The following KIAA1328 variants were observed in gnomAD, a reference collection of about 807,000 sequenced individuals.
KIAA1328 encodes the protein protein hinderin.
Under a neutral mutation model 68.1 loss-of-function variants are expected in KIAA1328, and 52 were observed. That is an observed-to-expected ratio of 0.76 (90% confidence interval 0.61 to 0.96). The LOEUF is 0.96. KIAA1328 is among the 40% of genes least tolerant of loss of function. The pLI, the probability that KIAA1328 is intolerant of heterozygous loss-of-function variation, is 0.00. For synonymous variants in KIAA1328, 232 were observed against 239.4 expected (o/e 0.97, Z 0.28); for missense variants, 641 against 677.6 (o/e 0.95, Z 0.60).
Position 37,187,180 on chromosome 18 carries a change from T to C in KIAA1328, c.1523+14099T>C, listed in dbSNP as rs564202515. ...CTCCATCTCAAAAAAAAAAAAAGTT[T>C]ATTATCGTGTTGCTTGGAACCCACC... is the stretch of plus-strand genomic sequence containing the variant. On this transcript the variant is annotated intron_variant, in intron 9 of 9. Transcript: ENST00000280020. 3.3e-5 allele frequency among the ~76,000 whole-genome samples: 5 copies of C among 152,110 alleles called. No homozygotes were observed. The South Asian group carries it at 1.0e-3, about 32-fold the overall frequency.
intron 7 of KIAA1328, among the ~76,000 whole-genome samples, chr18:37,153,873 A>G (rs986600066): frequency 6.6e-6 from 1 of 151,366 alleles, no homozygotes; most frequent in Admixed American, 6.6e-5. Context: ...AAAAAAAAAA[A>G]AAAGACTCAT....
In KIAA1328 at chr18:37,200,668, G is replaced by A. The variant is rs1012125958; in HGVS notation, c.1524-21349G>A. Among the ~76,000 whole-genome samples the A allele has an allele frequency of 1.1e-4, 16 of 151,762 alleles. 1 individual carries two copies. The highest frequency in any genetic ancestry group is 8.5e-4 in the Admixed American group (13 of 15,244). ...CTACTAAAAATACAAAAAATTAGCCGGGCGCGGTGGCGGGCGCCTGTAGTC... is the reference window on the plus strand; with the variant it reads ...CTACTAAAAATACAAAAAATTAGCCAGGCGCGGTGGCGGGCGCCTGTAGTC... On this transcript the variant is annotated intron_variant, in intron 9 of 9. Coordinates refer to ENST00000280020, the MANE Select transcript of KIAA1328 (RefSeq NM_020776.3).
intron 4 of KIAA1328, among the ~76,000 whole-genome samples, chr18:36,861,203 G>C (rs2047554445): frequency 1.3e-5 from 2 of 152,018 alleles, no homozygotes; most frequent in Non-Finnish European, 2.9e-5. Context: ...AAGAGTACTA[G>C]TCAGATATTT....
chr18:36,977,509 G>T (rs915015089), intron 6 of KIAA1328, among the ~76,000 whole-genome samples: 1 of 152,096 alleles, frequency 6.6e-6, no homozygotes, highest in African/African-American at 2.4e-5. Context: ...GCTGTTTCCC[G>T]ATACTCTTAC....
At chr18:37,138,845 A>G (rs2058701582) in intron 7 of KIAA1328, among the ~76,000 whole-genome samples, 1 of 152,016 alleles carries the variant, frequency 6.6e-6, no homozygotes, top group Non-Finnish European at 1.5e-5. Flanking sequence ...CTGTCAGATA[A>G]TATTATTGGA....
intron 8 of KIAA1328, among the ~76,000 whole-genome samples, chr18:37,161,155 C>T (rs1194719779): frequency 6.6e-6 from 1 of 152,138 alleles, no homozygotes; most frequent in East Asian, 1.9e-4. Context: ...AACCATTAAC[C>T]CAGATTTCCT....
rs981059081 is a variant in KIAA1328, at chr18:37,168,304, A to T, written c.1415-4669A>T. On this transcript the variant is annotated intron_variant, in intron 8 of 9. Transcript: ENST00000280020. ...AACAGAAGTGGCACATATAATGTCCACTGGCTTTCCACCTTACCACACGTA... is the reference window on the plus strand; with the variant it reads ...AACAGAAGTGGCACATATAATGTCCTCTGGCTTTCCACCTTACCACACGTA... 3.3e-5 allele frequency among the ~76,000 whole-genome samples: 5 copies of T among 152,256 alleles called. No individual in the cohort carries two copies. In the East Asian group the frequency reaches 7.7e-4, roughly 23 times the overall value.
At chr18:37,080,297 C>G (rs1329461847) in intron 7 of KIAA1328, among the ~76,000 whole-genome samples, 3 of 152,144 alleles carry the variant, frequency 2.0e-5, no homozygotes. Flanking sequence ...CATTTGACTA[C>G]AATGCAACCT....
At chr18:37,013,835 A>T (rs1399128896) in intron 6 of KIAA1328, among the ~76,000 whole-genome samples, 1 of 152,140 alleles carries the variant, frequency 6.6e-6, no homozygotes, top group Non-Finnish European at 1.5e-5. Context: ...TGGTAGAATG[A>T]TTTATTTTCT....
rs141731197 is a variant in KIAA1328, at chr18:37,111,883, C to A, written c.1232+44338C>A. ...CACACCAGGAGATTATATCCCGTGC[C>A]TGGCTCAGAGGGTCCCATGCCCACA... On this transcript the variant is annotated intron_variant, in intron 7 of 9. Coordinates refer to ENST00000280020, the MANE Select transcript of KIAA1328 (RefSeq NM_020776.3). Among the ~76,000 whole-genome samples the A allele has an allele frequency of 9.2e-3, 1,396 of 152,336 alleles. 14 individuals carry two copies. Among genetic ancestry groups the A allele is most frequent in the South Asian group, 0.021 (103 of 4,832 alleles).
intron 9 of KIAA1328, among the ~76,000 whole-genome samples, chr18:37,188,858 T>C (rs911384322): frequency 6.6e-6 from 1 of 152,244 alleles, no homozygotes; most frequent in Non-Finnish European, 1.5e-5. Flanking sequence ...CAGCAGTATC[T>C]TTTGTATCAA....
chr18:36,957,398 CATA>C (rs1184894149), intron 5 of KIAA1328, among the ~76,000 whole-genome samples: 2 of 151,966 alleles, frequency 1.3e-5, no homozygotes, highest in African/African-American at 4.8e-5. Flanking sequence ...AGGAAATTAC[CATA>C]ATGAGAAATA....
Position 37,223,482 on chromosome 18 carries a change from T to C in KIAA1328, c.*1255T>C, listed in dbSNP as rs888155972. The C allele has an allele frequency of 1.2e-4, 119 of 985,254 alleles. No individual in the cohort carries two copies. Among genetic ancestry groups the C allele is most frequent in the Non-Finnish European group, 1.4e-4 (115 of 829,954 alleles). 61.0% of individuals were successfully genotyped at this position (985,254 alleles called of 1,614,324 possible). A position where few individuals can be genotyped will look rare whatever the true frequency, so the allele number is the denominator to read the frequency against. ...TCCTGGTTTAGCCAGAGTTCAAAACTCTCCAGTCATTGAAAGCAAGGGGAG... is the reference window on the plus strand; with the variant it reads ...TCCTGGTTTAGCCAGAGTTCAAAACCCTCCAGTCATTGAAAGCAAGGGGAG... On this transcript the variant is annotated 3_prime_UTR_variant, in exon 10 of 10. Transcript: ENST00000280020.
chr18:36,995,493 G>T (rs1280183607), intron 6 of KIAA1328, among the ~76,000 whole-genome samples: 1 of 152,090 alleles, frequency 6.6e-6, no homozygotes, highest in Non-Finnish European at 1.5e-5. Flanking sequence ...GTCCATCCCT[G>T]CATGTCTGTA....
intron 7 of KIAA1328, among the ~76,000 whole-genome samples, chr18:37,088,247 T>TTGC (rs2057162964): frequency 6.6e-6 from 1 of 152,230 alleles, no homozygotes; most frequent in Non-Finnish European, 1.5e-5. Context: ...TGTCTTCACT[T>TTGC]TGCAGCTTCA....
chr18:37,154,372 G>A (rs900580722), intron 7 of KIAA1328, among the ~76,000 whole-genome samples: 1 of 152,168 alleles, frequency 6.6e-6, no homozygotes, highest in African/African-American at 2.4e-5. Context: ...CATTCTTTCT[G>A]TCACATTTGA....
chr18:36,969,703 G>GCCAAATTCTTC (rs2052096895), intron 6 of KIAA1328, among the ~76,000 whole-genome samples: 1 of 152,152 alleles, frequency 6.6e-6, no homozygotes, highest in South Asian at 2.1e-4. Flanking sequence ...TCTACCAGAT[G>GCCAAATTCTTC]TACAAAGAAG....
chr18:36,879,195 G>GT (rs1011268755), intron 4 of KIAA1328, among the ~76,000 whole-genome samples: 50 of 148,698 alleles, frequency 3.4e-4, no homozygotes, highest in East Asian at 2.6e-3. Context: ...CTTTGGATGG[G>GT]TTTTTTTTTT....
In KIAA1328 at chr18:37,116,473, A is replaced by G. The variant is rs565860462; in HGVS notation, c.1233-43727A>G. Among the ~76,000 whole-genome samples the G allele has an allele frequency of 7.5e-3, 1,139 of 152,318 alleles. 8 individuals carry two copies. The highest frequency in any genetic ancestry group is 0.012 in the Non-Finnish European group (844 of 68,000). The stretch of plus-strand genomic sequence containing the variant: ...GGCTAGCCATATGTAGAAAGCTGAA[A>G]CTGGATCCCTTCCTTACACCTTATA... On this transcript the variant is annotated intron_variant, in intron 7 of 9. Coordinates refer to ENST00000280020, the MANE Select transcript of KIAA1328 (RefSeq NM_020776.3).
Sources: allele counts gnomAD v4.1 joint callset (sites outside exome capture counted in the v4.1 genomes callset), GRCh38; gene constraint gnomAD v4.1.1; transcripts MANE v1.5; gene names NCBI Gene and HGNC (gene_info 2026-07-23, HGNC 2026-07-21).